The following AGMO variants were observed in gnomAD, a reference collection of about 807,000 sequenced individuals.
AGMO encodes the protein alkylglycerol monooxygenase, also known as glyceryl-ether monooxygenase.
AGMO carries 75 observed loss-of-function variants against 60.2 expected under a neutral mutation model. The observed-to-expected ratio is 1.25, with a 90% CI of 1.03 to 1.51. The LOEUF is 1.51. AGMO is among the 40% of genes most tolerant of loss of function. The pLI, the probability that AGMO is intolerant of heterozygous loss-of-function variation, is 0.00. For missense variants in AGMO, 763 were observed against 525.5 expected, an observed-to-expected ratio of 1.45 and a Z score of -4.42; for synonymous variants, 261 against 177.1, an observed-to-expected ratio of 1.47 and a Z score of -3.76.
intron 3 of AGMO, among the ~76,000 whole-genome samples, chr7:15,499,507 A>G (rs1783321542): frequency 1.3e-5 from 2 of 151,976 alleles, no homozygotes; most frequent in East Asian, 3.9e-4. Context: ...ACTTTTTTGG[A>G]GAAGTTGTGA....
At chr7:15,537,243 T>C (rs965225597) in intron 3 of AGMO, among the ~76,000 whole-genome samples, 1 of 152,060 alleles carries the variant, frequency 6.6e-6, no homozygotes, top group African/African-American at 2.4e-5. Flanking sequence ...TAGAATTGTT[T>C]CACAAAGCTA....
chr7:15,208,934 T>C (rs1377425086), intron 12 of AGMO, among the ~76,000 whole-genome samples: 2 of 152,208 alleles, frequency 1.3e-5, no homozygotes, highest in African/African-American at 2.4e-5. Context: ...ACATTTAATC[T>C]AAATTCAAAG....
intron 3 of AGMO, among the ~76,000 whole-genome samples, chr7:15,452,296 A>C (rs1781875856): frequency 6.6e-6 from 1 of 152,174 alleles, no homozygotes; most frequent in Non-Finnish European, 1.5e-5. Flanking sequence ...AATTGAAAAA[A>C]CAATCCACAG....
the AGMO span, among the ~76,000 whole-genome samples, chr7:15,176,667 G>T: frequency 1.2e-4 from 19 of 152,018 alleles, no homozygotes; most frequent in African/African-American, 4.3e-4. Context: ...CTTAATTTAT[G>T]TACTAGTTGG....
the AGMO span, among the ~76,000 whole-genome samples, chr7:15,158,070 C>T: frequency 1.3e-5 from 2 of 151,946 alleles, no homozygotes; most frequent in South Asian, 4.2e-4. Context: ...TATTTTATGA[C>T]TGTATTGATA....
chr7:15,322,745 T>TATATATAAATATATATAAATATATAA (rs1781210663), intron 12 of AGMO, among the ~76,000 whole-genome samples: 1 of 125,802 alleles, frequency 7.9e-6, no homozygotes, highest in African/African-American at 3.0e-5. Flanking sequence ...AATATATAAA[T>TATATATAAATATATATAAATATATAA]ATATATAAAT....
chr7:15,341,068 G>A (rs1233172913), intron 12 of AGMO, among the ~76,000 whole-genome samples: 1 of 152,080 alleles, frequency 6.6e-6, no homozygotes, highest in African/African-American at 2.4e-5. Context: ...TATGAGACAT[G>A]GAGTCAAAGG....
At chr7:15,506,757 T>C (rs748892398) in intron 3 of AGMO, among the ~76,000 whole-genome samples, 1 of 151,524 alleles carries the variant, frequency 6.6e-6, no homozygotes, top group Non-Finnish European at 1.5e-5. Flanking sequence ...TGGGACAAAA[T>C]ATAGAGCCAG....
the AGMO span, among the ~76,000 whole-genome samples, chr7:15,153,609 C>T: frequency 6.6e-6 from 1 of 152,106 alleles, no homozygotes; most frequent in African/African-American, 2.4e-5. Flanking sequence ...GTCCTTTCCC[C>T]ATTTTATGTT....
At chr7:15,398,046 G>C (rs765707560) in intron 5 of AGMO, among the ~76,000 whole-genome samples, 11 of 152,198 alleles carry the variant, frequency 7.2e-5, no homozygotes, top group Non-Finnish European at 1.5e-4. Flanking sequence ...ATCTATGACA[G>C]AGAACCAGAT....
intron 12 of AGMO, among the ~76,000 whole-genome samples, chr7:15,291,697 T>C (rs1784268295): frequency 6.6e-6 from 1 of 152,164 alleles, no homozygotes; most frequent in South Asian, 2.1e-4. Context: ...ACAGAATACC[T>C]AGCCTAACAG....
At chr7:15,384,204 T>C (rs1746303908) in intron 10 of AGMO, among the ~76,000 whole-genome samples, 1 of 152,222 alleles carries the variant, frequency 6.6e-6, no homozygotes, top group African/African-American at 2.4e-5. Context: ...CCCAAAGTGC[T>C]GGGATTACAG....
At chr7:15,346,500 A>G (rs1364613775) in intron 12 of AGMO, among the ~76,000 whole-genome samples, 2 of 151,976 alleles carry the variant, frequency 1.3e-5, no homozygotes, top group African/African-American at 4.8e-5. Context: ...GGATGTTTTT[A>G]ATTGATATTT....
chr7:15,422,947 G>T (rs1583535911), intron 4 of AGMO, among the ~76,000 whole-genome samples: 1 of 152,186 alleles, frequency 6.6e-6, no homozygotes, highest in Non-Finnish European at 1.5e-5. Context: ...GGTAAGTAAA[G>T]TGAGGAGGCA....
chr7:15,415,809 T>C (rs1371020907), intron 5 of AGMO, among the ~76,000 whole-genome samples: 2 of 152,086 alleles, frequency 1.3e-5, no homozygotes, highest in East Asian at 3.9e-4. Flanking sequence ...AAAACATGTA[T>C]TAAATAAAAA....
chr7:15,385,339 G>T (rs752035437), intron 10 of AGMO, 107 bp downstream of exon 10: 10 of 711,712 alleles, frequency 1.4e-5, no homozygotes, highest in Non-Finnish European at 2.3e-5. Flanking sequence ...AATTACAGCA[G>T]ACCACTACAG....
chr7:15,130,348 G>A, the AGMO span, among the ~76,000 whole-genome samples: 2 of 142,486 alleles, frequency 1.4e-5, no homozygotes, highest in Non-Finnish European at 3.1e-5. Context: ...TATTATTTTT[G>A]TTATTGTTTT....
At chr7:15,251,906 C>T (rs1782948576) in intron 12 of AGMO, among the ~76,000 whole-genome samples, 1 of 152,194 alleles carries the variant, frequency 6.6e-6, no homozygotes, top group Admixed American at 6.5e-5. Flanking sequence ...AGTTATAAGA[C>T]TCCTGACATT....
the AGMO span, among the ~76,000 whole-genome samples, chr7:15,164,828 G>A: frequency 2.0e-5 from 3 of 152,070 alleles, no homozygotes; most frequent in Non-Finnish European, 4.4e-5. Flanking sequence ...ATGGAAAGCA[G>A]TATGTAAATT....
Sources: gnomAD v4.1 joint callset for allele counts (sites outside exome capture counted in the v4.1 genomes callset) on GRCh38, gnomAD v4.1.1 for gene constraint, MANE v1.5 for transcripts, NCBI Gene and HGNC (gene_info 2026-07-23, HGNC 2026-07-21) for gene names.